Variants in CAPN2 observed in about 807,000 individuals in gnomAD.
CAPN2 encodes calpain-2 catalytic subunit.
CAPN2 carries 92 observed loss-of-function variants against 102.3 expected under a neutral mutation model. That is an observed-to-expected ratio of 0.90 (90% CI 0.76 to 1.07). The LOEUF is 1.07. CAPN2 is among the 50% of genes least tolerant of loss of function. The pLI, the probability that CAPN2 is intolerant of heterozygous loss-of-function variation, is 0.00. For missense variants in CAPN2, 800 were observed against 909.4 expected, an observed-to-expected ratio of 0.88 and a Z score of 1.55; for synonymous variants, 340 against 355.4, an observed-to-expected ratio of 0.96 and a Z score of 0.49.
intron 2 of CAPN2, among the ~76,000 whole-genome samples, chr1:223,722,133 A>G (rs1276436761): frequency 6.6e-6 from 1 of 152,172 alleles, no homozygotes; most frequent in African/African-American, 2.4e-5. Flanking sequence ...TGTTTGGGTA[A>G]CACACAGATT....
intron 2 of CAPN2, among the ~76,000 whole-genome samples, chr1:223,738,565 C>A (rs924226521): frequency 7.2e-5 from 11 of 152,194 alleles, no homozygotes; most frequent in African/African-American, 2.7e-4. Context: ...GTCAAGAACG[C>A]AGGCCAGTTT....
chr1:223,717,852 A>G, intron 2 of CAPN2, 21 bp downstream of exon 2: 2 of 1,588,716 alleles, frequency 1.3e-6, no homozygotes, highest in Non-Finnish European at 1.7e-6. Flanking sequence ...GATTCAGAGC[A>G]AGCTGGGGGA....
At chr1:223,713,631 C>A (rs768301382) in intron 1 of CAPN2, among the ~76,000 whole-genome samples, 12 of 152,168 alleles carry the variant, frequency 7.9e-5, no homozygotes, top group Non-Finnish European at 1.8e-4. Flanking sequence ...GGCTCCTCCT[C>A]CTTTGGGACA....
chr1:223,703,517 T>G (rs1659532105), intron 1 of CAPN2, among the ~76,000 whole-genome samples: 2 of 152,208 alleles, frequency 1.3e-5, no homozygotes, highest in African/African-American at 4.8e-5. Context: ...TTCTGCCCAA[T>G]GCAGACTTCT....
chr1:223,742,518 A>ATATT (rs1353185585), intron 2 of CAPN2, among the ~76,000 whole-genome samples: 12 of 114,422 alleles, frequency 1.0e-4, no homozygotes, highest in African/African-American at 1.7e-4. Flanking sequence ...ATATATATAT[A>ATATT]TTTTTTTTTT....
chr1:223,709,179 C>T (rs1448062994), upstream of CAPN2, among the ~76,000 whole-genome samples: 1 of 151,942 alleles, frequency 6.6e-6, no homozygotes, highest in African/African-American at 2.4e-5. Flanking sequence ...GGCTTGGGGG[C>T]AAGCAGCATT....
In CAPN2 at chr1:223,756,516, T is replaced by C. The variant is rs1391834490; in HGVS notation, c.1306-853T>C. ...CCCTGGCAGGGACCTGTTTACACCA[T>C]GGAAAGTGGCAAATAGTACAAATCA... is the stretch of plus-strand genomic sequence containing the variant. On this transcript the variant is annotated intron_variant, in intron 10 of 20. Transcript: ENST00000295006. This position sits in a 1 kb window ranked among gnomAD's most constrained non-coding sequence, Gnocchi z 4.1. 2.0e-5 allele frequency among the ~76,000 whole-genome samples: 3 copies of C among 152,208 alleles called. No homozygotes were observed. The East Asian group carries it at 5.8e-4, about 29-fold the overall frequency.
At chr1:223,722,848 A>G (rs1362328904) in intron 2 of CAPN2, among the ~76,000 whole-genome samples, 1 of 152,006 alleles carries the variant, frequency 6.6e-6, no homozygotes, top group Non-Finnish European at 1.5e-5. Context: ...GTTTTCCCCT[A>G]AGGTTCTTTC....
intron 2 of CAPN2, among the ~76,000 whole-genome samples, chr1:223,732,967 G>A (rs1018288021): frequency 6.6e-6 from 1 of 152,170 alleles, no homozygotes; most frequent in Admixed American, 6.5e-5. Context: ...TACAAATAAA[G>A]GGACTAAAGA....
Position 223,725,189 on chromosome 1 carries a change from G to A in CAPN2, c.307+7358G>A, listed in dbSNP as rs577527297. On this transcript the variant is annotated intron_variant, in intron 2 of 20. Transcript: ENST00000295006. The surrounding 1 kb of genome is among the most constrained non-coding windows in gnomAD (Gnocchi z 4.1). ...CTATCAAGACCATCCTGGCTAACAC[G>A]GTGAAAACCCATCTCTACAAAACTA... Among the ~76,000 whole-genome samples the A allele has an allele frequency of 9.9e-5, 15 of 152,072 alleles. No homozygotes were observed. Among genetic ancestry groups the A allele is most frequent in the South Asian group, 4.1e-4 (2 of 4,822 alleles).
chr1:223,765,668 G>A (rs1426663706), intron 15 of CAPN2, among the ~76,000 whole-genome samples: 2 of 151,836 alleles, frequency 1.3e-5, no homozygotes, highest in African/African-American at 4.8e-5. Flanking sequence ...CTCCACACCA[G>A]AGTCTGCATG....
rs901190284 is a variant in CAPN2 at position 223,750,591 on chromosome 1, G to T, written c.814-299G>T. On this transcript the variant is annotated intron_variant, in intron 6 of 20. Coordinates refer to ENST00000295006, the MANE Select transcript of CAPN2 (RefSeq NM_001748.5). ...TTCTCTGAGCTCCTTTACCAAAAGC[G>T]CATCCTGTCAGTTAAGCTGAAGTTC... is the stretch of plus-strand genomic sequence containing the variant. Among the ~76,000 whole-genome samples the T allele has an allele frequency of 2.0e-4, 31 of 152,240 alleles. 1 individual carries two copies. Among genetic ancestry groups the T allele is most frequent in the African/African-American group, 6.7e-4 (28 of 41,546 alleles).
chr1:223,719,604 CA>C (rs1245840896), intron 2 of CAPN2, among the ~76,000 whole-genome samples: 35 of 152,176 alleles, frequency 2.3e-4, no homozygotes, highest in Admixed American at 2.1e-3. Context: ...CAGAGTTTAA[CA>C]ACACCTTAAG....
chr1:223,774,308 T>C (rs16842198), intron 20 of CAPN2, among the ~76,000 whole-genome samples: 4,472 of 152,214 alleles, frequency 0.029, 207 homozygotes, highest in African/African-American at 0.1. Context: ...TCGTAGTCTT[T>C]GCAAGGATGA....
intron 7 of CAPN2, among the ~76,000 whole-genome samples, chr1:223,751,236 C>T (rs964522019): frequency 3.3e-5 from 5 of 152,116 alleles, no homozygotes; most frequent in Admixed American, 6.5e-5. Context: ...TCCAGGTTCA[C>T]CCCTTCCCTA....
chr1:223,729,128 A>G (rs1048028209), intron 2 of CAPN2, among the ~76,000 whole-genome samples: 1 of 152,170 alleles, frequency 6.6e-6, no homozygotes, highest in Non-Finnish European at 1.5e-5. Context: ...GGATGCCTAC[A>G]GGTGGCCCCA....
chr1:223,703,313 A>AT lies in CAPN2; in HGVS notation c.3+1496dup, dbSNP rs139483852. On this transcript the variant is annotated intron_variant, in intron 1 of 20. Coordinates refer to the CAPN2 transcript ENST00000433674. ...TGAGTAAATATGTGCAAAGCATTTG[A>AT]TTTTTTTTTTTTTTAGATGGGGGTC... Among the ~76,000 whole-genome samples, 1,299 of 146,510 alleles carry AT rather than the reference A, an allele frequency of 8.9e-3. 11 individuals carry two copies. The highest frequency in any genetic ancestry group is 0.024 in the African/African-American group (961 of 40,226).
chr1:223,759,059 G>T lies in CAPN2; in HGVS notation c.1318-211G>T. The T allele has an allele frequency of 1.7e-6, 1 of 586,558 alleles. No individual in the cohort carries two copies. Among genetic ancestry groups the T allele is most frequent in the Non-Finnish European group, 3.1e-6 (1 of 327,720 alleles). The allele number at this position is 586,558 out of a possible 1,614,324, so 36.3% of individuals were successfully genotyped here. On this transcript the variant is annotated intron_variant, in intron 11 of 20. Coordinates refer to ENST00000295006, the MANE Select transcript of CAPN2 (RefSeq NM_001748.5). This position sits in a 1 kb window ranked among gnomAD's most constrained non-coding sequence, Gnocchi z 4.6. ...ACTGCTATTTTTTTAAAAAAATTTT[G>T]TTGTTTTGTTGTTGTTGTCGTCGTT...
chr1:223,749,262 C>A, intron 6 of CAPN2, 140 bp downstream of exon 6: 1 of 703,156 alleles, frequency 1.4e-6, no homozygotes, highest in South Asian at 1.8e-5. Flanking sequence ...TGAAGTTCCG[C>A]GCGGGAGGAG....
Sources: gnomAD v4.1 joint callset for allele counts (sites outside exome capture counted in the v4.1 genomes callset) on GRCh38, gnomAD v4.1.1 for gene constraint, Gnocchi (gnomAD v3.1) non-coding constraint, MANE v1.5 for transcripts, NCBI Gene and HGNC (gene_info 2026-07-23, HGNC 2026-07-21) for gene names.